The following GPNMB variants were observed in gnomAD, a reference collection of about 807,000 sequenced individuals.
GPNMB encodes glycoprotein nmb.
GPNMB carries 71 observed loss-of-function variants against 57.3 expected under a neutral mutation model. The observed-to-expected ratio is 1.24, with a 90% CI of 1.02 to 1.51. The LOEUF is 1.51. GPNMB is among the 40% of genes most tolerant of loss of function. The probability of loss-of-function intolerance (pLI) is 0.00; values close to 1 mark genes in which losing one functional copy is unlikely to be tolerated. For synonymous variants in GPNMB, 253 were observed against 263.2 expected, an observed-to-expected ratio of 0.96 and a Z score of 0.38; for missense variants, 677 against 691.9, an observed-to-expected ratio of 0.98 and a Z score of 0.24.
Position 23,269,985 on chromosome 7 carries a change from T to TA in GPNMB, c.1240dup (p.Thr414AsnfsTer5), listed in dbSNP as rs1297773865. ...GTCGCAGCATTCCCACGGAGGTCTG[T>TA]ACCATCATTTCTGACCCCACCTGCG... On this transcript the variant is annotated frameshift_variant, in exon 9 of 11. Transcript: ENST00000258733. LOFTEE classifies it high-confidence loss of function. The TA allele has an allele frequency of 1.2e-6, 2 of 1,613,916 alleles. No individual in the cohort carries two copies. The highest frequency in any genetic ancestry group is 1.7e-6 in the Non-Finnish European group (2 of 1,179,950).
At chr7:23,263,480 A>G (rs1333658577) in intron 6 of GPNMB, among the ~76,000 whole-genome samples, 2 of 151,764 alleles carry the variant, frequency 1.3e-5, no homozygotes, top group Non-Finnish European at 2.9e-5. Flanking sequence ...GGTGTGGTGG[A>G]GAGTGTCTGT....
intron 2 of GPNMB, among the ~76,000 whole-genome samples, 199 bp from the exon 3 acceptor site, chr7:23,253,970 C>T (rs1409136287): frequency 2.0e-5 from 3 of 152,158 alleles, no homozygotes; most frequent in Non-Finnish European, 2.9e-5. Flanking sequence ...GAATTCTTAA[C>T]TGGTCTGATT....
chr7:23,273,457 C>A, intron 9 of GPNMB, 64 bp from the exon 10 acceptor site: 2 of 994,452 alleles, frequency 2.0e-6, no homozygotes, highest in Non-Finnish European at 3.2e-6. Flanking sequence ...TATTTAATGG[C>A]ATTATAAGCG....
In GPNMB at chr7:23,253,345, T is replaced by G; in HGVS notation, c.109T>G (p.Tyr37Asp). The change falls in exon 2 of 11, where the codon TAC (tyrosine) becomes GAC (aspartate). Residue 37 changes from tyrosine to aspartate, a missense_variant. Physicochemically the swap from Tyr to Asp is radical, Grantham distance 160. Transcript: ENST00000258733. The part of the protein sequence containing the change: ...DVLGNERPSA[Y>D]MREHNQLNGW... ...GCTGGGCAATGAAAGACCTTCTGCT[T>G]ACATGAGGGAGCACAATCAATTAAA... 3 of 1,613,804 alleles carry G rather than the reference T, an allele frequency of 1.9e-6. No individual in the cohort carries two copies. The East Asian group carries it at 6.7e-5, about 36-fold the overall frequency.
At chr7:23,265,183 C>G (rs1422221575) in intron 6 of GPNMB, among the ~76,000 whole-genome samples, 1 of 152,162 alleles carries the variant, frequency 6.6e-6, no homozygotes, top group Admixed American at 6.5e-5. Flanking sequence ...GAGAACTGCT[C>G]TGAGAAATCT....
chr7:23,270,142 C>G lies in GPNMB; in HGVS notation c.1396C>G (p.Leu466Val), dbSNP rs567337488. ...CCTGGGGGATGACACAAGCCTGGCT[C>G]TCACGAGCACCCTGATTTCTGTTCC... ...LTLGDDTSLA[L>V]TSTLISVPDR... The change falls in exon 9 of 11, where the codon CTC becomes GTC. Residue 466 changes from leucine (L) to valine (V), a missense_variant. Leu to Val is a conservative substitution (Grantham distance 32). Coordinates refer to ENST00000258733, the MANE Select transcript of GPNMB (RefSeq NM_002510.3). 1 of 1,614,188 alleles carries G rather than the reference C, an allele frequency of 6.2e-7. No homozygotes were observed. Among genetic ancestry groups the G allele is most frequent in the Non-Finnish European group, 8.5e-7 (1 of 1,180,014 alleles).
chr7:23,274,167 G>C lies in GPNMB; in HGVS notation c.1626G>C (p.Pro542=), dbSNP rs745413407. The change falls in exon 11 of 11, where the codon CCG becomes CCC. Residue 542 remains proline (P), a synonymous_variant. Transcript: ENST00000258733. ...FLNRAKAVFF[P]GNQEKDPLLK... ...ACCGTGCAAAAGCCGTGTTCTTCCC[G>C]GGAAACCAGGAAAAGGATCCGCTAC... The C allele has an allele frequency of 1.9e-6, 3 of 1,613,944 alleles. No individual in the cohort carries two copies. The highest frequency in any genetic ancestry group is 2.5e-6 in the Non-Finnish European group (3 of 1,179,880).
chr7:23,256,176 G>T (rs748911635), intron 3 of GPNMB, among the ~76,000 whole-genome samples: 1 of 152,180 alleles, frequency 6.6e-6, no homozygotes, highest in Non-Finnish European at 1.5e-5. Context: ...AAAGTGCTGG[G>T]ATTACAGGTG....
chr7:23,252,753 G>A (rs2128481144), intron 1 of GPNMB, among the ~76,000 whole-genome samples: 1 of 152,238 alleles, frequency 6.6e-6, no homozygotes, highest in East Asian at 1.9e-4. Flanking sequence ...CTATCAACTA[G>A]CTTGACATAA....
chr7:23,259,028 T>C (rs1782847249), intron 4 of GPNMB, among the ~76,000 whole-genome samples: 1 of 152,202 alleles, frequency 6.6e-6, no homozygotes, highest in Admixed American at 6.5e-5. Context: ...TTAAATGTCC[T>C]TGAGCCCTGA....
At chr7:23,269,481 GATAA>G (rs1349472280) in intron 8 of GPNMB, among the ~76,000 whole-genome samples, 1 of 152,184 alleles carries the variant, frequency 6.6e-6, no homozygotes, top group African/African-American at 2.4e-5. Flanking sequence ...TCTGAGGAAA[GATAA>G]ATAAATAAAT....
In GPNMB at chr7:23,253,256, G is replaced by A. The variant is rs1314200196; in HGVS notation, c.71-51G>A. 3.3e-6 allele frequency: 5 copies of A among 1,532,650 alleles called. No individual in the cohort carries two copies. In the South Asian group the frequency reaches 4.6e-5, roughly 14 times the overall value. The allele number at this position is 1,532,650 out of a possible 1,614,324, so 94.9% of individuals were successfully genotyped here. The stretch of plus-strand genomic sequence containing the variant: ...GAAATAAAAAGTTTCTTTAACCACT[G>A]TGAGGTGATTACTAAATGAAGAATG... On this transcript the variant is annotated intron_variant, in intron 1 of 10. Transcript: ENST00000258733.
chr7:23,273,065 T>G (rs1350928058), intron 9 of GPNMB: 1 of 152,894 alleles, frequency 6.5e-6, no homozygotes, highest in Non-Finnish European at 1.5e-5. Context: ...CCTCCCAAAG[T>G]GCTGGTATTA....
At chr7:23,263,298 C>G (rs1440816410) in intron 6 of GPNMB, among the ~76,000 whole-genome samples, 6 of 152,034 alleles carry the variant, frequency 3.9e-5, no homozygotes, top group Non-Finnish European at 8.8e-5. Context: ...TGTAATTTCT[C>G]CCTAGGTGAC....
chr7:23,252,931 C>T (rs946565246), intron 1 of GPNMB, among the ~76,000 whole-genome samples: 2 of 152,042 alleles, frequency 1.3e-5, no homozygotes. Flanking sequence ...ATTCCTTTAG[C>T]CAAGTGAGTA....
At chr7:23,262,041 G>A (rs1248446537) in intron 6 of GPNMB, among the ~76,000 whole-genome samples, 1 of 151,938 alleles carries the variant, frequency 6.6e-6, no homozygotes, top group African/African-American at 2.4e-5. Flanking sequence ...ACAAGAGGGC[G>A]CCAGGGACCA....
chr7:23,271,978 C>T (rs185039035), intron 9 of GPNMB, among the ~76,000 whole-genome samples: 43 of 152,144 alleles, frequency 2.8e-4, no homozygotes, highest in African/African-American at 1.0e-3. Flanking sequence ...AAAGCAAAAC[C>T]AACGATGCAA....
intron 7 of GPNMB, among the ~76,000 whole-genome samples, chr7:23,267,197 G>A (rs1486533695): frequency 1.3e-5 from 2 of 152,304 alleles, no homozygotes; most frequent in South Asian, 2.1e-4. Context: ...CTGGGGCTGC[G>A]TCTACCCAGG....
chr7:23,266,270 T>C (rs2128484279), intron 6 of GPNMB: 1 of 491,486 alleles, frequency 2.0e-6, no homozygotes, highest in South Asian at 2.5e-5. Context: ...CTTATTTGCT[T>C]CTTGTGTTCA....
Sources: gnomAD v4.1 joint callset for allele counts (sites outside exome capture counted in the v4.1 genomes callset) on GRCh38, gnomAD v4.1.1 for gene constraint, MANE v1.5 for transcripts, NCBI Gene and HGNC (gene_info 2026-07-23, HGNC 2026-07-21) for gene names.